Variants in XKR9 observed in about 807,000 individuals in gnomAD.
XKR9 encodes XK related 9, also known as XK-related protein 9.
A neutral mutation model predicts 32.0 loss-of-function variants in XKR9; 32 were observed. The ratio of observed to expected loss-of-function variants is 1.00; its 90% confidence interval spans 0.76 to 1.34. The LOEUF is 1.34. Ranked by LOEUF, XKR9 falls within the 40% of genes most tolerant of loss-of-function variation. The probability of loss-of-function intolerance (pLI) is 0.00; values close to 1 mark genes in which losing one functional copy is unlikely to be tolerated. For synonymous variants in XKR9, 168 were observed against 143.4 expected, an observed-to-expected ratio of 1.17 and a Z score of -1.22; for missense variants, 546 against 429.7, an observed-to-expected ratio of 1.27 and a Z score of -2.39.
the XKR9 span, among the ~76,000 whole-genome samples, chr8:70,807,766 G>T: frequency 1.3e-5 from 2 of 152,164 alleles, no homozygotes; most frequent in Non-Finnish European, 2.9e-5. Flanking sequence ...CATAAAACAA[G>T]TTCTTAGAAA....
chr8:70,860,702 C>T, the XKR9 span, among the ~76,000 whole-genome samples: 1 of 150,092 alleles, frequency 6.7e-6, no homozygotes, highest in Non-Finnish European at 1.5e-5. Context: ...TCACCCTTCT[C>T]CTGCTTGTTT....
At chr8:70,817,567 A>T in the XKR9 span, among the ~76,000 whole-genome samples, 7 of 152,156 alleles carry the variant, frequency 4.6e-5, no homozygotes. Flanking sequence ...CAATCTATAG[A>T]TTCAACACTG....
Position 70,734,565 on chromosome 8 carries a change from G to A in XKR9, c.*141G>A. 3 of 1,095,278 alleles carry A rather than the reference G, an allele frequency of 2.7e-6. No individual in the cohort carries two copies. The highest frequency in any genetic ancestry group is 3.5e-6 in the Non-Finnish European group (3 of 853,884). The allele number at this position is 1,095,278 out of a possible 1,614,324, so 67.8% of individuals were successfully genotyped here. On this transcript the variant is annotated 3_prime_UTR_variant, in exon 5 of 5. Transcript: ENST00000408926. ...TCAGTGAAATAGGAGATACATAGTA[G>A]TATTTTATTTTTAAAATTAATTTCT...
chr8:70,724,000 G>A (rs763254847), intron 4 of XKR9, among the ~76,000 whole-genome samples: 8 of 151,230 alleles, frequency 5.3e-5, no homozygotes, highest in Non-Finnish European at 1.2e-4. Context: ...CCCCTTTACC[G>A]AGGTGTTCTG....
intron 4 of XKR9, among the ~76,000 whole-genome samples, chr8:70,727,485 C>A (rs1385651545): frequency 1.3e-5 from 2 of 152,030 alleles, no homozygotes; most frequent in Non-Finnish European, 2.9e-5. Flanking sequence ...ACTGCAACCT[C>A]CGCCTCCCGG....
At chr8:71,055,199 T>C in the XKR9 span, among the ~76,000 whole-genome samples, 1 of 152,242 alleles carries the variant, frequency 6.6e-6, no homozygotes, top group Non-Finnish European at 1.5e-5. Flanking sequence ...AATACTTATA[T>C]GTACCCACTT....
At chr8:70,835,833 T>G in the XKR9 span, among the ~76,000 whole-genome samples, 17 of 152,218 alleles carry the variant, frequency 1.1e-4, no homozygotes, top group East Asian at 3.3e-3. Flanking sequence ...TAGAGAAGAT[T>G]CCTGCATTAG....
intron 3 of XKR9, among the ~76,000 whole-genome samples, chr8:70,682,503 A>G (rs1166134587): frequency 2.0e-5 from 3 of 152,174 alleles, no homozygotes; most frequent in Non-Finnish European, 2.9e-5. Context: ...AGAAAGGCCA[A>G]ATTGCCTTGA....
At chr8:70,917,284 T>C in the XKR9 span, among the ~76,000 whole-genome samples, 1 of 152,210 alleles carries the variant, frequency 6.6e-6, no homozygotes, top group African/African-American at 2.4e-5. Context: ...GTTTTCCTCT[T>C]TTCATCACAT....
the XKR9 span, among the ~76,000 whole-genome samples, chr8:71,050,294 TATATATATAG>T: frequency 2.2e-3 from 289 of 132,628 alleles, 2 homozygotes; most frequent in East Asian, 4.3e-3. Flanking sequence ...TAGATATAGA[TATATATATAG>T]ATATAGATAT....
chr8:70,991,292 C>T, the XKR9 span, among the ~76,000 whole-genome samples: 1 of 152,096 alleles, frequency 6.6e-6, no homozygotes, highest in Non-Finnish European at 1.5e-5. Flanking sequence ...CAGTCCTTAG[C>T]ACCAGAATCT....
chr8:70,955,167 G>A, the XKR9 span, among the ~76,000 whole-genome samples: 1 of 152,106 alleles, frequency 6.6e-6, no homozygotes, highest in African/African-American at 2.4e-5. Flanking sequence ...GGTTTTATGT[G>A]CTTTAAAATG....
chr8:70,890,670 A>G, the XKR9 span, among the ~76,000 whole-genome samples: 1 of 152,010 alleles, frequency 6.6e-6, no homozygotes, highest in Non-Finnish European at 1.5e-5. Flanking sequence ...ATCATGACGA[A>G]TGATCTTTTT....
At chr8:71,063,943 C>T in the XKR9 span, among the ~76,000 whole-genome samples, 1 of 152,294 alleles carries the variant, frequency 6.6e-6, no homozygotes, top group Non-Finnish European at 1.5e-5. Context: ...TTTCTCTAAA[C>T]AGATATATGT....
intron 4 of XKR9, among the ~76,000 whole-genome samples, chr8:70,714,320 CAA>C (rs1448307490): frequency 2.0e-5 from 3 of 151,762 alleles, no homozygotes; most frequent in African/African-American, 7.3e-5. Flanking sequence ...TTATTTAAAA[CAA>C]GAAAATAAAT....
the XKR9 span, among the ~76,000 whole-genome samples, chr8:70,795,400 G>A: frequency 6.6e-6 from 1 of 152,040 alleles, no homozygotes; most frequent in African/African-American, 2.4e-5. Context: ...TTGATTCCAT[G>A]TCTTTGCTAT....
chr8:70,970,398 C>G, the XKR9 span, among the ~76,000 whole-genome samples: 2 of 151,956 alleles, frequency 1.3e-5, no homozygotes, highest in Non-Finnish European at 2.9e-5. Context: ...ATACACATGT[C>G]ATGGTGGTTT....
At chr8:70,747,362 A>G (rs1382604115) in intron 2 of XKR9, among the ~76,000 whole-genome samples, 1 of 152,210 alleles carries the variant, frequency 6.6e-6, no homozygotes, top group Non-Finnish European at 1.5e-5. Context: ...TGGGTCATGA[A>G]TGCATTGCCT....
chr8:70,771,997 A>G (rs1324125543), intron 2 of XKR9, among the ~76,000 whole-genome samples: 1 of 152,208 alleles, frequency 6.6e-6, no homozygotes, highest in Non-Finnish European at 1.5e-5. Flanking sequence ...ATAGAAAAGA[A>G]AAATGTTTTT....
Sources: gnomAD v4.1 joint callset for allele counts (sites outside exome capture counted in the v4.1 genomes callset) on GRCh38, gnomAD v4.1.1 for gene constraint, MANE v1.5 for transcripts, NCBI Gene and HGNC (gene_info 2026-07-23, HGNC 2026-07-21) for gene names.